ZMAT4: variants seen among roughly 807,000 people sequenced by gnomAD.
ZMAT4 encodes the protein zinc finger matrin-type protein 4.
In ZMAT4, 17 loss-of-function variants were observed where a neutral mutation model predicts 28.7. The observed-to-expected ratio is 0.59, with a 90% CI of 0.41 to 0.89. The LOEUF is 0.89. Among genes scored for constraint, ZMAT4 ranks in the 40% least tolerant of loss-of-function variants. The pLI is 0.00. For missense variants in ZMAT4, 240 were observed against 283.8 expected (o/e 0.85, Z 1.11); for synonymous variants, 117 against 109.2 (o/e 1.07, Z -0.44).
At chr8:40,713,936 AAAAG>A (rs1810736943) in intron 3 of ZMAT4, among the ~76,000 whole-genome samples, 2 of 150,152 alleles carry the variant, frequency 1.3e-5, no homozygotes, top group Non-Finnish European at 3.0e-5. Flanking sequence ...AAAAAAAAAA[AAAAG>A]AAAAAGAAAA....
intron 6 of ZMAT4, among the ~76,000 whole-genome samples, chr8:40,560,628 G>A (rs577831967): frequency 3.9e-5 from 6 of 152,200 alleles, no homozygotes; most frequent in South Asian, 4.2e-4. Flanking sequence ...TGGGAGGGCT[G>A]TCCTAATAGA....
At chr8:40,790,435 A>G (rs550960971) in intron 2 of ZMAT4, among the ~76,000 whole-genome samples, 3 of 152,214 alleles carry the variant, frequency 2.0e-5, no homozygotes, top group Non-Finnish European at 4.4e-5. Flanking sequence ...TTTTAAAAAG[A>G]TGGATCTCAT....
Position 40,623,373 on chromosome 8 carries a change from A to C in ZMAT4, c.578-42112T>G, listed in dbSNP as rs750855045. ...CCTTTGATTCTGGAAAACAAGAATA[A>C]TATTTTCCTTGCAGGGTAAGTGTGA... On this transcript the variant is annotated intron_variant, in intron 5 of 6. Coordinates refer to ENST00000297737, the MANE Select transcript of ZMAT4 (RefSeq NM_024645.3). Among the ~76,000 whole-genome samples, 28 of 152,364 alleles carry C rather than the reference A, an allele frequency of 1.8e-4. No homozygotes were observed. In the East Asian group the frequency reaches 2.1e-3, roughly 12 times the overall value.
At chr8:40,878,264 C>T (rs747012857) in intron 1 of ZMAT4, among the ~76,000 whole-genome samples, 2 of 152,280 alleles carry the variant, frequency 1.3e-5, no homozygotes, top group Non-Finnish European at 2.9e-5. Flanking sequence ...AAACCTGTCC[C>T]CCCAGTCCTC....
chr8:40,850,966 T>G (rs1378248670), intron 1 of ZMAT4, among the ~76,000 whole-genome samples: 1 of 152,218 alleles, frequency 6.6e-6, no homozygotes. Flanking sequence ...TTTAAAATCT[T>G]TATTAACTCA....
At chr8:40,626,267 C>T (rs910943842) in intron 5 of ZMAT4, among the ~76,000 whole-genome samples, 2 of 152,054 alleles carry the variant, frequency 1.3e-5, no homozygotes, top group Non-Finnish European at 2.9e-5. Flanking sequence ...TGCCAAGGTG[C>T]CCCGGAAGTG....
At chr8:40,633,700 T>A (rs1376741709) in intron 5 of ZMAT4, among the ~76,000 whole-genome samples, 2 of 152,150 alleles carry the variant, frequency 1.3e-5, no homozygotes, top group Non-Finnish European at 2.9e-5. Flanking sequence ...TGTTTGAGTC[T>A]GACTGGGAGC....
At chr8:40,688,267 C>A (rs887340567) in intron 4 of ZMAT4, among the ~76,000 whole-genome samples, 1 of 152,062 alleles carries the variant, frequency 6.6e-6, no homozygotes, top group Non-Finnish European at 1.5e-5. Context: ...ACCAGCCTGA[C>A]CAACATGGTG....
chr8:40,723,629 A>G (rs971414930), intron 3 of ZMAT4, among the ~76,000 whole-genome samples: 1 of 151,996 alleles, frequency 6.6e-6, no homozygotes, highest in South Asian at 2.1e-4. Context: ...ATTCTAAATT[A>G]ATGAGGATTG....
chr8:40,785,668 T>C (rs1034996610), intron 2 of ZMAT4, among the ~76,000 whole-genome samples: 3 of 152,210 alleles, frequency 2.0e-5, no homozygotes, highest in African/African-American at 7.2e-5. Flanking sequence ...CAGATAAATA[T>C]GCACATATAA....
At chr8:40,872,298 A>G (rs975218343) in intron 1 of ZMAT4, among the ~76,000 whole-genome samples, 21 of 152,366 alleles carry the variant, frequency 1.4e-4, no homozygotes, top group African/African-American at 4.6e-4. Context: ...GGCATCCCAC[A>G]GAGCACCACC....
chr8:40,574,806 ACCTGTAGT>A (rs1804208416), intron 6 of ZMAT4, among the ~76,000 whole-genome samples: 1 of 152,202 alleles, frequency 6.6e-6, no homozygotes, highest in East Asian at 1.9e-4. Flanking sequence ...CACTGCAGAC[ACCTGTAGT>A]TCTTACTACA....
chr8:40,599,323 T>G (rs1805214196), intron 5 of ZMAT4, among the ~76,000 whole-genome samples: 1 of 152,192 alleles, frequency 6.6e-6, no homozygotes, highest in African/African-American at 2.4e-5. Flanking sequence ...AGTAGGAATC[T>G]CATTGTCAAA....
At chr8:40,798,451 A>G (rs900785378) in intron 2 of ZMAT4, among the ~76,000 whole-genome samples, 1 of 152,198 alleles carries the variant, frequency 6.6e-6, no homozygotes, top group Non-Finnish European at 1.5e-5. Context: ...GTTTTATGAG[A>G]AAAGACGTTG....
chr8:40,788,213 T>G (rs1814164873), intron 2 of ZMAT4, among the ~76,000 whole-genome samples: 1 of 152,108 alleles, frequency 6.6e-6, no homozygotes, highest in South Asian at 2.1e-4. Flanking sequence ...TCAGGTAATA[T>G]TATAAATGAC....
intron 6 of ZMAT4, among the ~76,000 whole-genome samples, chr8:40,560,525 T>C (rs1339662783): frequency 6.6e-6 from 1 of 151,948 alleles, no homozygotes; most frequent in East Asian, 1.9e-4. Flanking sequence ...ATATTAAACA[T>C]TTACTGTGAA....
chr8:40,588,983 G>A (rs773724191), intron 5 of ZMAT4, among the ~76,000 whole-genome samples: 1 of 152,138 alleles, frequency 6.6e-6, no homozygotes, highest in Non-Finnish European at 1.5e-5. Context: ...TATTTTGAAA[G>A]ATGATTAATA....
At chr8:40,595,811 C>T (rs1040307087) in intron 5 of ZMAT4, among the ~76,000 whole-genome samples, 4 of 152,022 alleles carry the variant, frequency 2.6e-5, no homozygotes, top group East Asian at 1.9e-4. Context: ...AGGCTGGGCA[C>T]GGTGGCTCAC....
intron 3 of ZMAT4, among the ~76,000 whole-genome samples, chr8:40,757,026 G>T (rs556665585): frequency 2.0e-5 from 3 of 152,094 alleles, no homozygotes; most frequent in Non-Finnish European, 2.9e-5. Context: ...GTTTTGGAAC[G>T]CAGGGCAGCA....
Sources: gnomAD v4.1 joint callset for allele counts (sites outside exome capture counted in the v4.1 genomes callset) on GRCh38, gnomAD v4.1.1 for gene constraint, MANE v1.5 for transcripts, NCBI Gene and HGNC (gene_info 2026-07-23, HGNC 2026-07-21) for gene names.